The following OPCML variants were observed in gnomAD, a reference collection of about 807,000 sequenced individuals.
OPCML encodes opioid-binding protein/cell adhesion molecule.
A neutral mutation model predicts 37.8 loss-of-function variants in OPCML; 13 were observed. The observed-to-expected ratio is 0.34, with a 90% CI of 0.22 to 0.55. The LOEUF is 0.55. Among genes scored for constraint, OPCML ranks in the 20% least tolerant of loss-of-function variants. The probability of loss-of-function intolerance (pLI) is 0.91; values close to 1 mark genes in which losing one functional copy is unlikely to be tolerated. For missense variants in OPCML, 341 were observed against 435.6 expected (o/e 0.78, Z 1.93); for synonymous variants, 176 against 168.8 (o/e 1.04, Z -0.33).
At chr11:132,925,483 G>C (rs957252235) in intron 2 of OPCML, among the ~76,000 whole-genome samples, 1 of 152,182 alleles carries the variant, frequency 6.6e-6, no homozygotes, top group Admixed American at 6.5e-5. Context: ...TTACCCTGCT[G>C]TACCTACGCC....
intron 1 of OPCML, among the ~76,000 whole-genome samples, chr11:133,269,833 T>A (rs992342548): frequency 6.6e-6 from 1 of 152,176 alleles, no homozygotes; most frequent in African/African-American, 2.4e-5. Context: ...AAGAGAGTAT[T>A]GTGCAAAGGT....
intron 1 of OPCML, among the ~76,000 whole-genome samples, chr11:133,123,679 A>G (rs1283854674): frequency 6.6e-6 from 1 of 151,994 alleles, no homozygotes; most frequent in African/African-American, 2.4e-5. Context: ...CCATGCACCC[A>G]ACCCCTGAAT....
At chr11:132,624,502 T>C (rs530777595) in intron 3 of OPCML, among the ~76,000 whole-genome samples, 163 of 152,252 alleles carry the variant, frequency 1.1e-3, no homozygotes, top group South Asian at 4.4e-3. Context: ...CTCCTTCCAT[T>C]CTCTTCCAGG....
intron 1 of OPCML, among the ~76,000 whole-genome samples, chr11:133,150,689 G>GCTT (rs2137189752): frequency 1.3e-5 from 2 of 152,140 alleles, no homozygotes; most frequent in African/African-American, 4.8e-5. Flanking sequence ...AAGGTGCCCT[G>GCTT]GCATCTTACA....
At chr11:132,893,331 A>G (rs553321771) in intron 2 of OPCML, among the ~76,000 whole-genome samples, 5 of 152,218 alleles carry the variant, frequency 3.3e-5, no homozygotes, top group Non-Finnish European at 7.3e-5. Flanking sequence ...TCCTCGGGAA[A>G]TACAGACGCT....
chr11:133,147,725 C>T (rs1163148640), intron 1 of OPCML, among the ~76,000 whole-genome samples: 2 of 152,162 alleles, frequency 1.3e-5, no homozygotes, highest in South Asian at 2.1e-4. Flanking sequence ...CTACTGAGTG[C>T]CAGGCACCAG....
At chr11:133,004,514 C>A (rs1403021286) in intron 1 of OPCML, 1 of 985,318 alleles carries the variant, frequency 1.0e-6, no homozygotes, top group African/African-American at 1.7e-5. Flanking sequence ...TGCAGACGAC[C>A]GAGGTCGGCC....
chr11:133,236,153 T>C (rs1940506992), intron 1 of OPCML, among the ~76,000 whole-genome samples: 1 of 152,150 alleles, frequency 6.6e-6, no homozygotes, highest in Non-Finnish European at 1.5e-5. Context: ...TTGGGGCCAT[T>C]ATTAAGAAAA....
intron 2 of OPCML, among the ~76,000 whole-genome samples, chr11:132,835,766 G>A (rs1005987646): frequency 4.6e-5 from 7 of 152,144 alleles, no homozygotes; most frequent in African/African-American, 9.7e-5. Flanking sequence ...CCAAGTGAAC[G>A]GCGGTGCCCT....
At chr11:132,678,935 G>A (rs188016435) in intron 2 of OPCML, among the ~76,000 whole-genome samples, 5 of 152,228 alleles carry the variant, frequency 3.3e-5, no homozygotes, top group South Asian at 2.1e-4. Context: ...GGCCCACTCC[G>A]GTGGGGGTGG....
chr11:133,069,895 C>T (rs1948497585), intron 1 of OPCML, among the ~76,000 whole-genome samples: 1 of 152,150 alleles, frequency 6.6e-6, no homozygotes, highest in Non-Finnish European at 1.5e-5. Flanking sequence ...ACCATCCAAG[C>T]TGATGCTGTG....
At chr11:133,118,030 G>A in intron 1 of OPCML, 1 of 759,080 alleles carries the variant, frequency 1.3e-6, no homozygotes, top group African/African-American at 1.9e-5. Flanking sequence ...CTACAGGGGT[G>A]TGAAGTTTCC....
intron 2 of OPCML, among the ~76,000 whole-genome samples, chr11:132,851,866 G>A (rs1009383404): frequency 2.0e-5 from 3 of 152,146 alleles, no homozygotes; most frequent in Non-Finnish European, 4.4e-5. Flanking sequence ...ATGAAAGAAC[G>A]CGATGTGAGG....
chr11:132,964,620 T>C (rs1946172397), intron 1 of OPCML, among the ~76,000 whole-genome samples: 1 of 152,156 alleles, frequency 6.6e-6, no homozygotes, highest in Non-Finnish European at 1.5e-5. Context: ...CAGTCCTCCC[T>C]GTTACATCCT....
At chr11:133,189,002 C>G (rs1042656967) in intron 1 of OPCML, among the ~76,000 whole-genome samples, 1 of 152,138 alleles carries the variant, frequency 6.6e-6, no homozygotes, top group African/African-American at 2.4e-5. Context: ...GAACAGAGCC[C>G]TTGGCCCTTG....
Position 132,622,915 on chromosome 11 carries a change from C to A in OPCML, c.379+34172G>T, listed in dbSNP as rs554250655. Among the ~76,000 whole-genome samples, 10 of 152,270 alleles carry A rather than the reference C, an allele frequency of 6.6e-5. 1 individual carries two copies. The highest frequency in any genetic ancestry group is 3.4e-3 in the Middle Eastern group (1 of 294). ...GATATTTAGTTCTCTACTTACTGTACAGCCTCAGGCAACTCATCGTATCTC... is the reference window on the plus strand; with the variant it reads ...GATATTTAGTTCTCTACTTACTGTAAAGCCTCAGGCAACTCATCGTATCTC... On this transcript the variant is annotated intron_variant, in intron 3 of 7. Coordinates refer to ENST00000524381, the MANE Select transcript of OPCML (RefSeq NM_001012393.5).
chr11:133,230,215 A>G (rs781623024), intron 1 of OPCML, among the ~76,000 whole-genome samples: 1 of 152,206 alleles, frequency 6.6e-6, no homozygotes, highest in Non-Finnish European at 1.5e-5. Flanking sequence ...GTGTGGAAAC[A>G]CCACTCGCCA....
At chr11:133,485,204 G>A (rs1947501187) in intron 1 of OPCML, among the ~76,000 whole-genome samples, 1 of 152,054 alleles carries the variant, frequency 6.6e-6, no homozygotes, top group Non-Finnish European at 1.5e-5. Flanking sequence ...GGATATAAAA[G>A]AAATATACAA....
intron 1 of OPCML, among the ~76,000 whole-genome samples, chr11:133,107,468 G>T (rs1949177363): frequency 6.6e-6 from 1 of 152,172 alleles, no homozygotes; most frequent in Admixed American, 6.5e-5. Flanking sequence ...GCTGTAAGAA[G>T]AAACTTCTCA....
Sources: allele counts gnomAD v4.1 joint callset (sites outside exome capture counted in the v4.1 genomes callset), GRCh38; gene constraint gnomAD v4.1.1; transcripts MANE v1.5; gene names NCBI Gene and HGNC (gene_info 2026-07-23, HGNC 2026-07-21).